ELP4: variants seen among roughly 807,000 people sequenced by gnomAD.
ELP4 encodes elongator complex protein 4.
Under a neutral mutation model 48.9 loss-of-function variants are expected in ELP4, and 51 were observed. The ratio of observed to expected loss-of-function variants is 1.04; its 90% CI spans 0.83 to 1.32. The LOEUF (loss-of-function observed/expected upper bound fraction) is 1.32. ELP4 is among the 40% of genes most tolerant of loss of function. ELP4 has a pLI of 0.00. For synonymous variants in ELP4, 210 were observed against 189.2 expected, an observed-to-expected ratio of 1.11 and a Z score of -0.90; for missense variants, 519 against 514.6, an observed-to-expected ratio of 1.01 and a Z score of -0.08.
chr11:31,695,288 T>C (rs1331534058), intron 9 of ELP4, among the ~76,000 whole-genome samples: 2 of 152,192 alleles, frequency 1.3e-5, no homozygotes, highest in Non-Finnish European at 2.9e-5. Context: ...TTATTGGCTG[T>C]GGGTTTGTCA....
chr11:31,661,663 G>T (rs1945557983), intron 9 of ELP4, among the ~76,000 whole-genome samples: 1 of 101,982 alleles, frequency 9.8e-6, no homozygotes, highest in Non-Finnish European at 2.6e-5. Context: ...ACATGTAAGA[G>T]GGTGTGACCA....
chr11:31,675,038 AC>A (rs1468277330), intron 9 of ELP4, among the ~76,000 whole-genome samples: 5 of 152,302 alleles, frequency 3.3e-5, no homozygotes, highest in African/African-American at 1.2e-4. Flanking sequence ...ATGCTTGGTT[AC>A]CACTGTAGCC....
chr11:31,581,220 C>T (rs1957386729), intron 3 of ELP4, among the ~76,000 whole-genome samples: 1 of 152,172 alleles, frequency 6.6e-6, no homozygotes, highest in Non-Finnish European at 1.5e-5. Flanking sequence ...TATTCTGGCA[C>T]TTTCCTTTAT....
At chr11:31,745,153 G>T (rs1947554999) in intron 9 of ELP4, among the ~76,000 whole-genome samples, 1 of 152,106 alleles carries the variant, frequency 6.6e-6, no homozygotes, top group Non-Finnish European at 1.5e-5. Context: ...GCTTCAAAGA[G>T]AATAAAATAC....
intron 3 of ELP4, among the ~76,000 whole-genome samples, chr11:31,553,439 G>A (rs774316760): frequency 1.3e-5 from 2 of 152,152 alleles, no homozygotes; most frequent in East Asian, 1.9e-4. Context: ...TGACCATCCC[G>A]AGTCAGAGAA....
chr11:31,727,993 AAGAT>A (rs1466662120), intron 9 of ELP4: 2 of 152,158 alleles, frequency 1.3e-5, no homozygotes, highest in Admixed American at 1.3e-4. Context: ...ATCTATCTCA[AAGAT>A]AAAGTGCCTG....
At chr11:31,609,427 A>G (rs1031163061) in intron 5 of ELP4, among the ~76,000 whole-genome samples, 6 of 152,144 alleles carry the variant, frequency 3.9e-5, no homozygotes, top group East Asian at 1.9e-4. Flanking sequence ...ATTAAGAACA[A>G]TAGTTTTTTC....
At chr11:31,517,625 A>T (rs548628510) in intron 1 of ELP4, among the ~76,000 whole-genome samples, 1 of 147,430 alleles carries the variant, frequency 6.8e-6, no homozygotes, top group East Asian at 2.0e-4. Context: ...ACTTTGAGTA[A>T]TTTTTTTTTT....
chr11:31,517,865 G>T (rs540112351), intron 1 of ELP4, among the ~76,000 whole-genome samples: 1 of 151,846 alleles, frequency 6.6e-6, no homozygotes, highest in Non-Finnish European at 1.5e-5. Flanking sequence ...TGATCCACCC[G>T]TATTGGCCTC....
At chr11:31,736,887 A>T (rs761758316) in intron 9 of ELP4, among the ~76,000 whole-genome samples, 8 of 152,342 alleles carry the variant, frequency 5.3e-5, no homozygotes, top group Non-Finnish European at 7.3e-5. Flanking sequence ...AACTAGTTCA[A>T]CCATTGTGGA....
At chr11:31,605,889 C>G (rs1957866015) in intron 5 of ELP4, among the ~76,000 whole-genome samples, 1 of 151,878 alleles carries the variant, frequency 6.6e-6, no homozygotes, top group Non-Finnish European at 1.5e-5. Context: ...TGCAGGCTGT[C>G]AGTGACTGAG....
intron 7 of ELP4, among the ~76,000 whole-genome samples, chr11:31,644,524 A>G (rs965360794): frequency 3.3e-5 from 5 of 151,794 alleles, no homozygotes; most frequent in Non-Finnish European, 7.4e-5. Flanking sequence ...ATTATGCTAA[A>G]GCTTTCTGAA....
At chr11:31,691,153 A>G (rs933558733) in intron 9 of ELP4, among the ~76,000 whole-genome samples, 10 of 152,038 alleles carry the variant, frequency 6.6e-5, no homozygotes, top group Non-Finnish European at 1.5e-4. Flanking sequence ...TAATGTGTAC[A>G]TTATGTTTTC....
chr11:31,636,882 A>G (rs1409098434), intron 7 of ELP4, among the ~76,000 whole-genome samples: 3 of 152,030 alleles, frequency 2.0e-5, no homozygotes, highest in Non-Finnish European at 4.4e-5. Flanking sequence ...CAAATATATT[A>G]TGAATGTCTT....
chr11:31,772,845 C>G (rs1316498074), intron 9 of ELP4, among the ~76,000 whole-genome samples: 1 of 152,240 alleles, frequency 6.6e-6, no homozygotes, highest in East Asian at 1.9e-4. Context: ...CACTTACTCC[C>G]TCTCCAGGCA....
intron 3 of ELP4, among the ~76,000 whole-genome samples, chr11:31,546,468 C>T (rs1956719767): frequency 6.6e-6 from 1 of 152,062 alleles, no homozygotes; most frequent in Non-Finnish European, 1.5e-5. Flanking sequence ...AATACAGGAG[C>T]ACCCAGATTC....
intron 9 of ELP4, among the ~76,000 whole-genome samples, chr11:31,686,868 C>CA (rs35123055): frequency 0.32 from 43,778 of 136,220 alleles, 7,203 homozygotes; most frequent in African/African-American, 0.47. Context: ...GACCCTGCTT[C>CA]AAAAAAAAAA....
At position 31,618,628 on chromosome 11, in the gene ELP4, C is replaced by T. The variant is rs141187318; in HGVS notation, c.654-8482C>T. Among the ~76,000 whole-genome samples, 482 of 152,020 alleles carry T rather than the reference C, an allele frequency of 3.2e-3. 1 individual carries two copies. Among genetic ancestry groups the T allele is most frequent in the Non-Finnish European group, 4.0e-3 (270 of 67,982 alleles). On this transcript the variant is annotated intron_variant, in intron 5 of 9. Coordinates refer to ENST00000640961, the MANE Select transcript of ELP4 (RefSeq NM_019040.5). ...GGGGACCGACATTCAAACCATAGTA[C>T]CCTTCATAAAAGACAACATATTACA... is the stretch of plus-strand genomic sequence containing the variant.
intron 7 of ELP4, among the ~76,000 whole-genome samples, chr11:31,642,047 G>A (rs981371294): frequency 2.0e-5 from 3 of 151,862 alleles, no homozygotes; most frequent in Non-Finnish European, 4.4e-5. Flanking sequence ...TTTTCTGTGG[G>A]TAGATTTCTT....
Sources: allele counts gnomAD v4.1 joint callset (sites outside exome capture counted in the v4.1 genomes callset), GRCh38; gene constraint gnomAD v4.1.1; transcripts MANE v1.5; gene names NCBI Gene and HGNC (gene_info 2026-07-23, HGNC 2026-07-21).